The following BLTP3A variants were observed in gnomAD, a reference collection of about 807,000 sequenced individuals.
BLTP3A encodes the protein ICBP90 binding protein 1.
the BLTP3A span, among the ~76,000 whole-genome samples, chr6:34,830,434 A>T: frequency 8.5e-3 from 1,295 of 152,152 alleles, 20 homozygotes; most frequent in African/African-American, 0.027. Flanking sequence ...TAAAAAAAAT[A>T]AAAAAATTAG....
chr6:34,858,196 G>T, the BLTP3A span: 3 of 1,614,134 alleles, frequency 1.9e-6, no homozygotes, highest in Non-Finnish European at 2.5e-6. Context: ...CTCTGCGTCA[G>T]GCATGATTGC....
chr6:34,859,677 T>C, the BLTP3A span: 1 of 1,510,208 alleles, frequency 6.6e-7, no homozygotes, highest in Middle Eastern at 2.4e-4. Flanking sequence ...GGAAGTACCA[T>C]ATAGTCCAGG....
chr6:34,820,751 C>T, the BLTP3A span, among the ~76,000 whole-genome samples: 2 of 149,300 alleles, frequency 1.3e-5, no homozygotes, highest in Non-Finnish European at 3.0e-5. Context: ...GATCACGGCT[C>T]ACTGCAGCCT....
the BLTP3A span, chr6:34,859,079 T>C: frequency 3.1e-6 from 5 of 1,614,096 alleles, no homozygotes; most frequent in Admixed American, 6.7e-5. Context: ...GATTCAGAGC[T>C]ATCTCCTTCA....
chr6:34,869,131 A>C, the BLTP3A span, among the ~76,000 whole-genome samples: 3 of 151,872 alleles, frequency 2.0e-5, no homozygotes, highest in Non-Finnish European at 4.4e-5. Flanking sequence ...CCTCCTGAGT[A>C]GCTGGGAATA....
the BLTP3A span, chr6:34,855,781 C>T: frequency 7.5e-6 from 12 of 1,596,602 alleles, no homozygotes; most frequent in East Asian, 4.5e-5. Context: ...CATCCCTGAC[C>T]GCTTAACAGG....
the BLTP3A span, chr6:34,872,377 A>G: frequency 2.5e-6 from 4 of 1,613,172 alleles, no homozygotes; most frequent in African/African-American, 5.3e-5. Flanking sequence ...GCCAATGCCA[A>G]CCAGGATAAA....
chr6:34,867,123 A>T, the BLTP3A span: 3 of 1,269,056 alleles, frequency 2.4e-6, no homozygotes, highest in Non-Finnish European at 3.2e-6. Context: ...CATGAATGTC[A>T]TAAGTATTTT....
At chr6:34,812,382 A>T in the BLTP3A span, among the ~76,000 whole-genome samples, 4 of 151,674 alleles carry the variant, frequency 2.6e-5, no homozygotes, top group African/African-American at 9.7e-5. Context: ...ACCTTAAATA[A>T]CACAACAGTT....
At chr6:34,817,311 C>T in the BLTP3A span, among the ~76,000 whole-genome samples, 1 of 152,104 alleles carries the variant, frequency 6.6e-6, no homozygotes, top group Non-Finnish European at 1.5e-5. Flanking sequence ...AGGAAAAGAA[C>T]CATTTATTGA....
At chr6:34,792,324 T>A in the BLTP3A span, 1 of 1,533,950 alleles carries the variant, frequency 6.5e-7, no homozygotes, top group Non-Finnish European at 8.8e-7. Flanking sequence ...CCCCCGGCGG[T>A]CCTGGGCCCT....
the BLTP3A span, chr6:34,871,171 G>A: frequency 7.1e-6 from 11 of 1,558,804 alleles, no homozygotes; most frequent in Non-Finnish European, 9.5e-6. Flanking sequence ...TTTTGCCCTG[G>A]ACTTTGTCAA....
chr6:34,825,468 C>T, the BLTP3A span, among the ~76,000 whole-genome samples: 1 of 152,130 alleles, frequency 6.6e-6, no homozygotes, highest in Non-Finnish European at 1.5e-5. Flanking sequence ...CCACCAGGCC[C>T]AGCTAATTTT....
the BLTP3A span, among the ~76,000 whole-genome samples, chr6:34,803,892 CCTT>C: frequency 6.6e-6 from 1 of 152,000 alleles, no homozygotes; most frequent in Non-Finnish European, 1.5e-5. Flanking sequence ...CTTTATTTTT[CCTT>C]CTCAGATAAA....
chr6:34,839,182 G>A, the BLTP3A span, among the ~76,000 whole-genome samples: 1 of 152,056 alleles, frequency 6.6e-6, no homozygotes, highest in Admixed American at 6.5e-5. Flanking sequence ...CCCGGGAGGC[G>A]GAGGTTGCAG....
chr6:34,835,256 C>A, the BLTP3A span: 1 of 1,600,558 alleles, frequency 6.2e-7, no homozygotes. Context: ...TGGAATGATA[C>A]GAGGTGATAA....
At chr6:34,821,384 A>G in the BLTP3A span, 4 of 317,240 alleles carry the variant, frequency 1.3e-5, no homozygotes, top group African/African-American at 2.1e-5. Context: ...AAGTAGAATC[A>G]TAGGTCTCAC....
At chr6:34,857,872 G>A in the BLTP3A span, 1 of 1,614,078 alleles carries the variant, frequency 6.2e-7, no homozygotes, top group Non-Finnish European at 8.5e-7. Flanking sequence ...ATTCAAGTCA[G>A]AAAGATGAAC....
chr6:34,821,593 G>GT, the BLTP3A span: 1 of 1,485,222 alleles, frequency 6.7e-7, no homozygotes, highest in Non-Finnish European at 9.1e-7. Flanking sequence ...TGTTTTGGCT[G>GT]TAATACCCAA....
Sources: allele counts gnomAD v4.1 joint callset (sites outside exome capture counted in the v4.1 genomes callset), GRCh38; gene constraint gnomAD v4.1.1; transcripts MANE v1.5; gene names NCBI Gene and HGNC (gene_info 2026-07-23, HGNC 2026-07-21).